NYAP2: variants seen among roughly 807,000 people sequenced by gnomAD.
The protein encoded by NYAP2 is neuronal tyrosine-phosphorylated phosphoinositide-3-kinase adapter 2.
In NYAP2, 23 loss-of-function variants were observed where a neutral mutation model predicts 50.4. The ratio of observed to expected loss-of-function variants is 0.46; its 90% CI spans 0.33 to 0.65. NYAP2 has a LOEUF of 0.65. Among genes scored for constraint, NYAP2 ranks in the 30% least tolerant of loss-of-function variants. The probability of loss-of-function intolerance (pLI) is 0.02; values close to 1 mark genes in which losing one functional copy is unlikely to be tolerated. For missense variants in NYAP2, 885 were observed against 861.0 expected (o/e 1.03, Z -0.35); for synonymous variants, 394 against 365.2 (o/e 1.08, Z -0.90).
intron 5 of NYAP2, among the ~76,000 whole-genome samples, chr2:225,603,664 T>C (rs531364702): frequency 6.6e-6 from 1 of 152,212 alleles, no homozygotes; most frequent in African/African-American, 2.4e-5. Context: ...GTCTCAATGA[T>C]TTTTTTGGGT....
At position 225,402,587 on chromosome 2, in the gene NYAP2, C is replaced by T. The variant is rs964755421; in HGVS notation, c.-18+1544C>T. Reference sequence around the variant, plus strand: ...AATTCATGATGCTACTGCATTAACACGATTTATGCCTATCTTACTCATTTT... The same window carrying T: ...AATTCATGATGCTACTGCATTAACATGATTTATGCCTATCTTACTCATTTT... On this transcript the variant is annotated intron_variant, in intron 2 of 6. Transcript: ENST00000636099. Among the ~76,000 whole-genome samples the T allele has an allele frequency of 3.2e-4, 49 of 152,012 alleles. 1 individual carries two copies. The highest frequency in any genetic ancestry group is 1.6e-3 in the Admixed American group (24 of 15,218).
intron 3 of NYAP2, among the ~76,000 whole-genome samples, chr2:225,471,999 G>T (rs1690018709): frequency 6.6e-6 from 1 of 152,180 alleles, no homozygotes; most frequent in African/African-American, 2.4e-5. Context: ...AACTGGGTAT[G>T]TATTACCTCA....
intron 3 of NYAP2, among the ~76,000 whole-genome samples, chr2:225,493,693 A>G (rs1196643152): frequency 6.6e-6 from 1 of 152,184 alleles, no homozygotes; most frequent in Non-Finnish European, 1.5e-5. Flanking sequence ...TTAACCTGAA[A>G]TGTAGTTCAT....
rs147973125 is a variant in NYAP2, at chr2:225,486,135, C to T, written c.222-27236C>T. On this transcript the variant is annotated intron_variant, in intron 3 of 6. Transcript: ENST00000636099. ...TTGAGCAAGGTGCGTGGTGCCCTGGCTGGAATAGCCATTATCCACCAAGCC... is the reference window on the plus strand; with the variant it reads ...TTGAGCAAGGTGCGTGGTGCCCTGGTTGGAATAGCCATTATCCACCAAGCC... 4.9e-4 allele frequency among the ~76,000 whole-genome samples: 74 copies of T among 152,286 alleles called. 1 individual carries two copies. The highest frequency in any genetic ancestry group is 1.6e-3 in the African/African-American group (68 of 41,566).
intron 3 of NYAP2, among the ~76,000 whole-genome samples, chr2:225,480,971 C>A (rs1690196990): frequency 6.6e-6 from 1 of 152,064 alleles, no homozygotes; most frequent in African/African-American, 2.4e-5. Context: ...GACTCCCTAA[C>A]AATTCAACAA....
chr2:225,403,486 A>G (rs927827056), intron 2 of NYAP2, among the ~76,000 whole-genome samples: 1 of 151,970 alleles, frequency 6.6e-6, no homozygotes, highest in Non-Finnish European at 1.5e-5. Context: ...TATAGCTATA[A>G]GATTATCTTG....
At chr2:225,476,683 A>G (rs189248860) in intron 3 of NYAP2, among the ~76,000 whole-genome samples, 43 of 152,332 alleles carry the variant, frequency 2.8e-4, no homozygotes, top group African/African-American at 9.9e-4. Flanking sequence ...TTGTGTAAAT[A>G]CTACTGTTGT....
intron 5 of NYAP2, among the ~76,000 whole-genome samples, chr2:225,608,331 T>C (rs1328758316): frequency 1.3e-5 from 2 of 152,166 alleles, no homozygotes; most frequent in African/African-American, 4.8e-5. Context: ...TGCCCAGAGA[T>C]AAGGCAGCAC....
At chr2:225,525,587 C>A (rs561677929) in intron 4 of NYAP2, among the ~76,000 whole-genome samples, 2 of 152,098 alleles carry the variant, frequency 1.3e-5, no homozygotes, top group East Asian at 3.9e-4. Flanking sequence ...CATGGACAAA[C>A]AGAGTAGAAT....
At chr2:225,621,809 G>A (rs550249988) in intron 5 of NYAP2, among the ~76,000 whole-genome samples, 1 of 151,662 alleles carries the variant, frequency 6.6e-6, no homozygotes, top group Non-Finnish European at 1.5e-5. Context: ...TGCTGTGACT[G>A]GCTTATTTTA....
At chr2:225,494,065 A>T (rs985649751) in intron 3 of NYAP2, among the ~76,000 whole-genome samples, 9 of 152,320 alleles carry the variant, frequency 5.9e-5, no homozygotes, top group African/African-American at 2.2e-4. Flanking sequence ...CACACTCTTT[A>T]CTACTTAGTT....
chr2:225,686,292 T>C, the NYAP2 span, among the ~76,000 whole-genome samples: 1 of 152,208 alleles, frequency 6.6e-6, no homozygotes, highest in South Asian at 2.1e-4. Flanking sequence ...TTTCTAGATT[T>C]TGAAATTTCA....
intron 3 of NYAP2, among the ~76,000 whole-genome samples, chr2:225,512,819 TTCTCTCTCTCTCTC>T (rs145877640): frequency 1.1e-4 from 8 of 71,452 alleles, no homozygotes; most frequent in African/African-American, 5.2e-4. Flanking sequence ...TTTTCTTTCT[TTCTCTCTCTCTCTC>T]TCTCTTTCTT....
At chr2:225,658,975 G>A (rs918055029), downstream of NYAP2, among the ~76,000 whole-genome samples, 10 of 152,174 alleles carry the variant, frequency 6.6e-5, no homozygotes, top group African/African-American at 2.2e-4. Flanking sequence ...GAAGTTCCAT[G>A]ATCAGTCTCT....
chr2:225,462,769 C>T lies in NYAP2; in HGVS notation c.222-50602C>T, dbSNP rs536590611. ...CAGATTGAAATATAATTTAGAGCCC[C>T]CTCTAGTAGCTTCAGTTGGTCCATT... On this transcript the variant is annotated intron_variant, in intron 3 of 6. Coordinates refer to ENST00000636099, the Ensembl canonical transcript of NYAP2. 1.3e-3 allele frequency among the ~76,000 whole-genome samples: 198 copies of T among 151,166 alleles called. 2 individuals are homozygous for T. Among genetic ancestry groups the T allele is most frequent in the Non-Finnish European group, 2.1e-3 (142 of 67,980 alleles).
chr2:225,481,447 A>G (rs1690205060), intron 3 of NYAP2, among the ~76,000 whole-genome samples: 2 of 152,160 alleles, frequency 1.3e-5, no homozygotes, highest in African/African-American at 4.8e-5. Flanking sequence ...TTTGTTCTCA[A>G]CTTCAACATT....
the NYAP2 span, among the ~76,000 whole-genome samples, chr2:225,684,540 A>T: frequency 6.6e-6 from 1 of 151,610 alleles, no homozygotes; most frequent in Non-Finnish European, 1.5e-5. Context: ...TTGGTTCAAA[A>T]ATCTTAAATA....
intron 3 of NYAP2, among the ~76,000 whole-genome samples, chr2:225,428,960 T>C (rs1695325629): frequency 6.6e-6 from 1 of 152,198 alleles, no homozygotes; most frequent in Non-Finnish European, 1.5e-5. Context: ...ATCCTATAAA[T>C]TCTTTACATG....
intron 3 of NYAP2, among the ~76,000 whole-genome samples, chr2:225,468,558 A>C (rs1689961346): frequency 6.6e-6 from 1 of 152,238 alleles, no homozygotes; most frequent in African/African-American, 2.4e-5. Context: ...AATATATTCT[A>C]GGAAGAATTG....
Sources: allele counts gnomAD v4.1 joint callset (sites outside exome capture counted in the v4.1 genomes callset), GRCh38; gene constraint gnomAD v4.1.1; transcripts MANE v1.5; gene names NCBI Gene and HGNC (gene_info 2026-07-23, HGNC 2026-07-21).